DACH1: variants seen among roughly 807,000 people sequenced by gnomAD.
The protein encoded by DACH1 is dachshund homolog 1.
In DACH1, 12 loss-of-function variants were observed where a neutral mutation model predicts 54.2. The ratio of observed to expected loss-of-function variants is 0.22; its 90% CI spans 0.14 to 0.36. The LOEUF (loss-of-function observed/expected upper bound fraction) is 0.36, where lower values mean the gene tolerates loss of function less well. Ranked by LOEUF, DACH1 falls within the 10% of genes least tolerant of loss-of-function variation. DACH1 has a pLI of 1.00. For synonymous variants in DACH1, 386 were observed against 366.2 expected (o/e 1.05, Z -0.62); for missense variants, 805 against 929.8 (o/e 0.87, Z 1.75).
chr13:71,562,223 C>T (rs781311307), intron 4 of DACH1, among the ~76,000 whole-genome samples: 19 of 151,982 alleles, frequency 1.3e-4, no homozygotes, highest in Admixed American at 5.2e-4. Context: ...CTTAATTGAT[C>T]GGGGTTAACA....
chr13:71,761,162 T>C (rs2138007812), intron 1 of DACH1, among the ~76,000 whole-genome samples: 1 of 152,268 alleles, frequency 6.6e-6, no homozygotes, highest in Middle Eastern at 3.4e-3. Context: ...TTGAATTACC[T>C]CTATGCTATT....
At chr13:71,501,274 A>G (rs894020430) in intron 6 of DACH1, among the ~76,000 whole-genome samples, 2 of 152,138 alleles carry the variant, frequency 1.3e-5, no homozygotes, top group African/African-American at 2.4e-5. Context: ...AACCTCTTTA[A>G]GTATGTTAGC....
chr13:71,859,947 G>T (rs1566547484), intron 1 of DACH1, among the ~76,000 whole-genome samples: 1 of 151,846 alleles, frequency 6.6e-6, no homozygotes, highest in Non-Finnish European at 1.5e-5. Context: ...TTTGCACAGA[G>T]CCTCTGCTGT....
intron 2 of DACH1, among the ~76,000 whole-genome samples, chr13:71,677,388 T>C (rs1219175320): frequency 6.6e-6 from 1 of 152,174 alleles, no homozygotes; most frequent in Non-Finnish European, 1.5e-5. Context: ...GTGACAACCA[T>C]AACTTTTAGA....
chr13:71,443,926 A>G (rs1874223030), intron 10 of DACH1, among the ~76,000 whole-genome samples: 2 of 152,122 alleles, frequency 1.3e-5, no homozygotes, highest in Admixed American at 6.5e-5. Flanking sequence ...ATTGTGTAAC[A>G]TTTATTGTTT....
intron 2 of DACH1, among the ~76,000 whole-genome samples, chr13:71,644,070 G>A (rs1020976435): frequency 5.3e-5 from 8 of 152,194 alleles, no homozygotes; most frequent in South Asian, 4.1e-4. Context: ...TTTTCTTCCC[G>A]AAAAGACTAA....
chr13:71,539,322 A>C (rs188163206), intron 6 of DACH1, among the ~76,000 whole-genome samples: 67 of 152,146 alleles, frequency 4.4e-4, no homozygotes, highest in African/African-American at 1.3e-3. Flanking sequence ...TTTGCCTCTT[A>C]ACCATAAAGT....
intron 1 of DACH1, among the ~76,000 whole-genome samples, chr13:71,729,440 G>A (rs1883639269): frequency 6.6e-6 from 1 of 151,998 alleles, no homozygotes; most frequent in South Asian, 2.1e-4. Context: ...ATTAAGGAAA[G>A]CATCAACATG....
At chr13:71,698,054 C>T (rs757468448) in intron 1 of DACH1, among the ~76,000 whole-genome samples, 4 of 151,832 alleles carry the variant, frequency 2.6e-5, no homozygotes, top group African/African-American at 2.4e-5. Flanking sequence ...TGAAATAAAG[C>T]GACAAAGAAG....
chr13:71,521,241 A>G (rs1460552023), intron 6 of DACH1, among the ~76,000 whole-genome samples: 1 of 152,072 alleles, frequency 6.6e-6, no homozygotes, highest in East Asian at 1.9e-4. Context: ...TTTGGCATAT[A>G]GTGTGTGCAT....
chr13:71,503,761 A>C (rs1864953733), intron 6 of DACH1, among the ~76,000 whole-genome samples: 1 of 152,202 alleles, frequency 6.6e-6, no homozygotes, highest in Non-Finnish European at 1.5e-5. Flanking sequence ...TGTCAGGAAT[A>C]TTACGGAAAC....
intron 1 of DACH1, among the ~76,000 whole-genome samples, chr13:71,800,817 G>C (rs1451222937): frequency 6.6e-6 from 1 of 151,096 alleles, no homozygotes; most frequent in Non-Finnish European, 1.5e-5. Flanking sequence ...ATCGCTCTTT[G>C]ATCATTTTAA....
intron 6 of DACH1, among the ~76,000 whole-genome samples, chr13:71,507,578 T>C (rs1167450670): frequency 1.3e-5 from 2 of 152,164 alleles, no homozygotes; most frequent in Non-Finnish European, 2.9e-5. Flanking sequence ...GAAATATTTA[T>C]GGATGAATGC....
intron 1 of DACH1, among the ~76,000 whole-genome samples, chr13:71,746,792 A>G (rs541386916): frequency 6.6e-6 from 1 of 152,302 alleles, no homozygotes; most frequent in African/African-American, 2.4e-5. Flanking sequence ...AGTGGCTAGG[A>G]CTTCTCTAAT....
At chr13:71,443,150 T>TC (rs2138097581) in intron 10 of DACH1, among the ~76,000 whole-genome samples, 1 of 151,014 alleles carries the variant, frequency 6.6e-6, no homozygotes, top group Admixed American at 6.6e-5. Context: ...TCCACAATTT[T>TC]CCCTCCCAGA....
rs182762894 is a variant in DACH1 at position 71,582,073 on chromosome 13, A to T, written c.1127-9061T>A. Among the ~76,000 whole-genome samples the T allele has an allele frequency of 7.2e-5, 11 of 152,276 alleles. No homozygotes were observed. The East Asian group carries it at 2.1e-3, about 29-fold the overall frequency. On this transcript the variant is annotated intron_variant, in intron 3 of 10. Transcript: ENST00000613252. ...GATTAAGCCATGATGCTTTAAGCAG[A>T]TATGGAAAGAATAAAGGTATTGCTA... is the stretch of plus-strand genomic sequence containing the variant.
At chr13:71,791,558 A>G (rs1455986691) in intron 1 of DACH1, among the ~76,000 whole-genome samples, 1 of 151,920 alleles carries the variant, frequency 6.6e-6, no homozygotes, top group Non-Finnish European at 1.5e-5. Context: ...TTTTTTGTGT[A>G]TTTTTAGTAG....
At chr13:71,597,227 A>G (rs910367411) in intron 3 of DACH1, among the ~76,000 whole-genome samples, 12 of 152,182 alleles carry the variant, frequency 7.9e-5, no homozygotes, top group African/African-American at 2.9e-4. Context: ...CTAGGTCACT[A>G]TAAGAGTAGA....
chr13:71,802,293 A>C, intron 1 of DACH1, among the ~76,000 whole-genome samples: 1 of 152,104 alleles, frequency 6.6e-6, no homozygotes, highest in Admixed American at 6.6e-5. Flanking sequence ...AGAAAAAATA[A>C]CTTTGAGAAA....
Sources: gnomAD v4.1 joint callset for allele counts (sites outside exome capture counted in the v4.1 genomes callset) on GRCh38, gnomAD v4.1.1 for gene constraint, MANE v1.5 for transcripts, NCBI Gene and HGNC (gene_info 2026-07-23, HGNC 2026-07-21) for gene names.